ROBO2: variants seen among roughly 807,000 people sequenced by gnomAD.
ROBO2 encodes roundabout guidance receptor 2, also known as roundabout homolog 2.
ROBO2 carries 53 observed loss-of-function variants against 160.8 expected under a neutral mutation model. That is an observed-to-expected ratio of 0.33 (90% CI 0.26 to 0.41). The LOEUF (loss-of-function observed/expected upper bound fraction) is 0.41, where lower values mean the gene tolerates loss of function less well. Among genes scored for constraint, ROBO2 ranks in the 10% least tolerant of loss-of-function variants. The pLI is 1.00. For synonymous variants in ROBO2, 664 were observed against 611.7 expected (o/e 1.09, Z -1.26); for missense variants, 1,577 against 1,722.4 (o/e 0.92, Z 1.49).
chr3:77,591,175 G>A (rs2094171998), intron 17 of ROBO2, among the ~76,000 whole-genome samples: 1 of 152,008 alleles, frequency 6.6e-6, no homozygotes, highest in Admixed American at 6.6e-5. Flanking sequence ...ACCATCCAAG[G>A]CACTTAAAAG....
intron 2 of ROBO2, among the ~76,000 whole-genome samples, chr3:76,826,175 T>A (rs1354340482): frequency 1.3e-5 from 2 of 152,094 alleles, no homozygotes; most frequent in Non-Finnish European, 2.9e-5. Context: ...GCTGTGATCA[T>A]CTTTGAAAAT....
chr3:76,566,650 C>A (rs376265254), intron 2 of ROBO2, among the ~76,000 whole-genome samples: 5 of 152,046 alleles, frequency 3.3e-5, no homozygotes, highest in East Asian at 3.9e-4. Flanking sequence ...GTAACAAGTT[C>A]TTTTAGTCAT....
intron 2 of ROBO2, among the ~76,000 whole-genome samples, chr3:77,405,586 A>T (rs1377627918): frequency 6.6e-6 from 1 of 151,862 alleles, no homozygotes; most frequent in African/African-American, 2.4e-5. Flanking sequence ...GCAATTACTG[A>T]GTGTGGGATA....
At chr3:76,321,783 G>A (rs143748318) in intron 2 of ROBO2, among the ~76,000 whole-genome samples, 1,911 of 152,174 alleles carry the variant, frequency 0.013, 31 homozygotes, top group Admixed American at 0.038. Flanking sequence ...ATAAAAGGCC[G>A]TTGTAAGACT....
At chr3:76,013,063 C>T (rs2066252110) in intron 2 of ROBO2, among the ~76,000 whole-genome samples, 1 of 138,896 alleles carries the variant, frequency 7.2e-6, no homozygotes. Flanking sequence ...GCGTGTAATC[C>T]CAGAAGCAAT....
intron 2 of ROBO2, among the ~76,000 whole-genome samples, chr3:77,110,576 T>C (rs2073437824): frequency 6.6e-6 from 1 of 151,090 alleles, no homozygotes; most frequent in South Asian, 2.1e-4. Context: ...ACTTAAACCT[T>C]ACAAATTATG....
chr3:76,576,701 C>CTTTTTTT (rs56404865), intron 2 of ROBO2, among the ~76,000 whole-genome samples: 60 of 62,410 alleles, frequency 9.6e-4, no homozygotes, highest in East Asian at 1.9e-3. Context: ...CATTTTCTTT[C>CTTTTTTT]TTTTTTTTTT....
intron 5 of ROBO2, among the ~76,000 whole-genome samples, chr3:77,520,802 T>A (rs2090514559): frequency 6.6e-6 from 1 of 151,392 alleles, no homozygotes; most frequent in Non-Finnish European, 1.5e-5. Context: ...TAGAAAAGAT[T>A]ATTTTTATTA....
In ROBO2 at chr3:77,120,626, T is replaced by G. The variant is rs187021832; in HGVS notation, c.388+22286T>G. ...CAAAGATAAAATTCATTGGCATAGC[T>G]GGAATTACAGTGATAGGAGTTGGCT... On this transcript the variant is annotated intron_variant, in intron 2 of 25. Coordinates refer to ENST00000461745, the Ensembl canonical transcript of ROBO2. 3.9e-3 allele frequency among the ~76,000 whole-genome samples: 599 copies of G among 152,344 alleles called. 7 individuals are homozygous for G. Among genetic ancestry groups the G allele is most frequent in the Middle Eastern group, 0.014 (4 of 294 alleles).
chr3:77,289,479 G>T (rs150089372), intron 2 of ROBO2, among the ~76,000 whole-genome samples: 48,836 of 149,152 alleles, frequency 0.33, 8,177 homozygotes, highest in Non-Finnish European at 0.37. Context: ...TGAGGCTAGA[G>T]CACTAAAGAT....
At chr3:76,166,526 G>C (rs572031385) in intron 2 of ROBO2, among the ~76,000 whole-genome samples, 1 of 151,746 alleles carries the variant, frequency 6.6e-6, no homozygotes, top group South Asian at 2.1e-4. Flanking sequence ...TCTCTACAAC[G>C]AATTACCTCA....
intron 2 of ROBO2, among the ~76,000 whole-genome samples, chr3:76,038,650 C>T (rs2067189149): frequency 6.6e-6 from 1 of 151,922 alleles, no homozygotes; most frequent in African/African-American, 2.4e-5. Flanking sequence ...TACCATGCTT[C>T]TCTCTACTTT....
chr3:76,976,408 G>A (rs933944699), intron 2 of ROBO2, among the ~76,000 whole-genome samples: 56 of 152,110 alleles, frequency 3.7e-4, no homozygotes, highest in Non-Finnish European at 4.1e-4. Context: ...TGCTTTAATC[G>A]CTTAAATGGG....
chr3:76,240,810 A>G (rs927996872), intron 2 of ROBO2, among the ~76,000 whole-genome samples: 1 of 152,182 alleles, frequency 6.6e-6, no homozygotes, highest in Non-Finnish European at 1.5e-5. Context: ...ACAGCCATAA[A>G]CACTGAGGGT....
chr3:77,346,771 C>T (rs1393756867), intron 2 of ROBO2, among the ~76,000 whole-genome samples: 3 of 152,198 alleles, frequency 2.0e-5, no homozygotes, highest in South Asian at 2.1e-4. Context: ...CATTCCTCAT[C>T]GGATACCCAC....
intron 24 of ROBO2, among the ~76,000 whole-genome samples, chr3:77,640,097 A>ATTGTTTTTTTTT (rs2095325808): frequency 1.5e-5 from 1 of 65,442 alleles, no homozygotes; most frequent in East Asian, 5.1e-4. Context: ...CAGAGGAAGC[A>ATTGTTTTTTTTT]TTTTTTTTTT....
intron 2 of ROBO2, among the ~76,000 whole-genome samples, chr3:76,392,159 G>T (rs1010330347): frequency 1.3e-5 from 2 of 151,940 alleles, no homozygotes; most frequent in Admixed American, 6.6e-5. Flanking sequence ...AATATCCTTG[G>T]CATTAATAAT....
chr3:76,948,902 A>ATTTT (rs2078764231), intron 2 of ROBO2, among the ~76,000 whole-genome samples: 1 of 42,838 alleles, frequency 2.3e-5, no homozygotes, highest in African/African-American at 1.5e-4. Flanking sequence ...ATATATATAT[A>ATTTT]TATATATTTT....
At chr3:76,732,629 G>A (rs1268405452) in intron 2 of ROBO2, among the ~76,000 whole-genome samples, 1 of 151,928 alleles carries the variant, frequency 6.6e-6, no homozygotes, top group Admixed American at 6.6e-5. Context: ...GCTACACAAA[G>A]GCACTTACTC....
Sources: gnomAD v4.1 joint callset for allele counts (sites outside exome capture counted in the v4.1 genomes callset) on GRCh38, gnomAD v4.1.1 for gene constraint, MANE v1.5 for transcripts, NCBI Gene and HGNC (gene_info 2026-07-23, HGNC 2026-07-21) for gene names.